The following LOXL3 variants were observed in gnomAD, a reference collection of about 807,000 sequenced individuals.
LOXL3 encodes the protein lysyl oxidase homolog 3.
LOXL3 carries 60 observed loss-of-function variants against 91.8 expected under a neutral mutation model. The ratio of observed to expected loss-of-function variants is 0.65; its 90% CI spans 0.53 to 0.81. The LOEUF (loss-of-function observed/expected upper bound fraction) is 0.81, where lower values mean the gene tolerates loss of function less well. LOXL3 is among the 30% of genes least tolerant of loss of function. The pLI is 0.00. For missense variants in LOXL3, 874 were observed against 1,000.4 expected (o/e 0.87, Z 1.70); for synonymous variants, 355 against 387.6 (o/e 0.92, Z 0.99).
chr2:74,548,499 T>C (rs1676747735), intron 4 of LOXL3, among the ~76,000 whole-genome samples: 1 of 152,090 alleles, frequency 6.6e-6, no homozygotes, highest in Non-Finnish European at 1.5e-5. Flanking sequence ...CCATCTGAAG[T>C]AGTGTGCCCG....
At position 74,549,196 on chromosome 2, in the gene LOXL3, T is replaced by C; in HGVS notation, c.692+173A>G. 1.5e-6 allele frequency: 1 copy of C among 684,842 alleles called. No homozygotes were observed. The highest frequency in any genetic ancestry group is 2.4e-5 in the South Asian group (1 of 40,864). 42.4% of individuals were successfully genotyped at this position (684,842 alleles called of 1,614,324 possible). On this transcript the variant is annotated intron_variant, in intron 4 of 13. Transcript: ENST00000264094. The surrounding 1 kb of genome is among the most constrained non-coding windows in gnomAD (Gnocchi z 5.3). Reference sequence around the variant, plus strand: ...AGGTACTCCCTTGGGGCACCTTTCGTGGTCCCACAAGATTTCCCAACTCTC... The same window carrying C: ...AGGTACTCCCTTGGGGCACCTTTCGCGGTCCCACAAGATTTCCCAACTCTC...
At chr2:74,554,641 C>T (rs979260195), upstream of LOXL3, 61 of 1,010,188 alleles carry the variant, frequency 6.0e-5, no homozygotes, top group Non-Finnish European at 7.6e-5. The surrounding 1 kb of genome is among the most constrained non-coding windows in gnomAD (Gnocchi z 4.9). Context: ...ACCCCCCCAG[C>T]GGCTGCCGGC....
chr2:74,535,924 T>C lies in LOXL3; in HGVS notation c.1248+72A>G. The C allele has an allele frequency of 6.6e-7, 1 of 1,507,010 alleles. No individual in the cohort carries two copies. The highest frequency in any genetic ancestry group is 8.8e-7 in the Non-Finnish European group (1 of 1,132,714). The allele number at this position is 1,507,010 out of a possible 1,614,324, so 93.4% of individuals were successfully genotyped here. On this transcript the variant is annotated intron_variant, in intron 7 of 13. Transcript: ENST00000264094. The surrounding 1 kb of genome is among the most constrained non-coding windows in gnomAD (Gnocchi z 4.2). ...CCTGGGGCAATGGGCTGGGGGCCAT[T>C]GGACTGTAGATTGGAGACCAGACCT...
At chr2:74,555,339 T>A (rs770658265), upstream of LOXL3, 2 of 1,613,762 alleles carry the variant, frequency 1.2e-6, no homozygotes, top group African/African-American at 1.3e-5. This position sits in a 1 kb window ranked among gnomAD's most constrained non-coding sequence, Gnocchi z 6.1. Context: ...AGACCCCCCC[T>A]GAGCCCGGCG....
chr2:74,534,550 C>T lies in LOXL3; in HGVS notation c.1804G>A (p.Val602Met), dbSNP rs779161522. The change falls in exon 10 of 14, where the codon GTG (valine) becomes ATG (methionine). Residue 602 changes from valine (V) to methionine (M), a missense_variant. Transcript: ENST00000264094. Reference sequence around the variant, plus strand: ...TCTCACCCATGGCACTCGTGCCACACCCAGGAGTGGCGCCCAGCCTTGGGC... The same window carrying T: ...TCTCACCCATGGCACTCGTGCCACATCCAGGAGTGGCGCCCAGCCTTGGGC... The part of the protein sequence containing the change: ...FRPKAGRHSW[V>M]WHECHGHYHS... 1.9e-6 allele frequency: 3 copies of T among 1,614,214 alleles called. No homozygotes were observed. The highest frequency in any genetic ancestry group is 4.5e-5 in the East Asian group (2 of 44,882).
chr2:74,534,166 G>A lies in LOXL3; in HGVS notation c.2010C>T (p.Tyr670=), dbSNP rs1675839705. 6.2e-7 allele frequency: 1 copy of A among 1,614,072 alleles called. No individual in the cohort carries two copies. The highest frequency in any genetic ancestry group is 1.3e-5 in the African/African-American group (1 of 74,920). ...QGITVGCWDL[Y]RHDIDCQWID... is the part of the protein sequence containing the mutation. ...TCCACTGACAGTCAATGTCATGCCG[G>A]TAGAGATCCCAGCAACCCACAGTGA... Residue 670 remains tyrosine (Y), a synonymous_variant, in exon 12 of 14, where the codon TAC becomes TAT. Coordinates refer to ENST00000264094, the MANE Select transcript of LOXL3 (RefSeq NM_032603.5).
rs1332589127 is a variant in LOXL3, at chr2:74,534,215, C to T, written c.1961G>A (p.Cys654Tyr). 2 of 1,614,204 alleles carry T rather than the reference C, an allele frequency of 1.2e-6. No individual in the cohort carries two copies. Among genetic ancestry groups the T allele is most frequent in the Non-Finnish European group, 1.7e-6 (2 of 1,180,036 alleles). The change falls in exon 12 of 14, where the codon TGT becomes TAT. Residue 654 changes from cysteine to tyrosine, a missense_variant. Physicochemically the swap from Cys to Tyr is radical, Grantham distance 194. Transcript: ENST00000264094. ...CQEDVSKRYECANFGEQGITV... is the reference protein window; with the variant it reads ...CQEDVSKRYEYANFGEQGITV... Reference sequence around the variant, plus strand: ...GATGCCTTGCTCTCCAAAGTTGGCACACTCATACCGCTTGGAGACATCTGG... The same window carrying T: ...GATGCCTTGCTCTCCAAAGTTGGCATACTCATACCGCTTGGAGACATCTGG...
intron 4 of LOXL3, among the ~76,000 whole-genome samples, chr2:74,540,516 G>T (rs1334734859): frequency 1.3e-5 from 2 of 152,098 alleles, no homozygotes; most frequent in Non-Finnish European, 2.9e-5. Context: ...ATATCCAAGG[G>T]CGTTAACTTG....
chr2:74,555,307 A>G, upstream of LOXL3: 1 of 1,614,034 alleles, frequency 6.2e-7, no homozygotes, highest in Non-Finnish European at 8.5e-7. This position sits in a 1 kb window ranked among gnomAD's most constrained non-coding sequence, Gnocchi z 6.1. Flanking sequence ...TGAGTGTGTG[A>G]GTGTGGCCCC....
Position 74,535,169 on chromosome 2 carries a change from A to ACCC in LOXL3, c.1579+120_1579+122dup. On this transcript the variant is annotated intron_variant, in intron 9 of 13. Transcript: ENST00000264094. The surrounding 1 kb of genome is among the most constrained non-coding windows in gnomAD (Gnocchi z 4.2). ...TGGGATTACAGGCGTGAGCCACTGC[A>ACCC]CCCGGCGAAACTGGCTCTTTTATGG... 1 of 1,118,520 alleles carries ACCC rather than the reference A, an allele frequency of 8.9e-7. No homozygotes were observed. The highest frequency in any genetic ancestry group is 2.6e-5 in the Admixed American group (1 of 37,838). 69.3% of individuals were successfully genotyped at this position (1,118,520 alleles called of 1,614,324 possible).
intron 9 of LOXL3, 97 bp from the exon 10 acceptor site, chr2:74,534,871 T>G: frequency 7.3e-7 from 1 of 1,365,590 alleles, no homozygotes; most frequent in Non-Finnish European, 1.0e-6. Context: ...AGTTTTTTGT[T>G]TTTGTTTTTG....
At chr2:74,544,046 G>A (rs546910320) in intron 4 of LOXL3, among the ~76,000 whole-genome samples, 72 of 152,106 alleles carry the variant, frequency 4.7e-4, no homozygotes, top group African/African-American at 1.7e-3. Context: ...GCTCAAGCCT[G>A]TAAGCCCAGC....
At position 74,536,435 on chromosome 2, in the gene LOXL3, C is replaced by T. The variant is rs753852653; in HGVS notation, c.949G>A (p.Glu317Lys). 3.1e-6 allele frequency: 5 copies of T among 1,613,972 alleles called. No homozygotes were observed. Among genetic ancestry groups the T allele is most frequent in the Non-Finnish European group, 4.2e-6 (5 of 1,180,044 alleles). ...GCCTTCAGGACTTCTACCCGGCCCT[C>T]TCCAGGGTGGGCGCCGCCCTTTAGA... is the stretch of plus-strand genomic sequence containing the variant. Reference protein sequence around the residue: ...VRLKGGAHPGEGRVEVLKAST... With the variant: ...VRLKGGAHPGKGRVEVLKAST... Residue 317 changes from glutamate to lysine, a missense_variant, in exon 6 of 14, where the codon GAG becomes AAG. Physicochemically the swap from Glu to Lys is moderately conservative, Grantham distance 56. Transcript: ENST00000264094. This position sits in a 1 kb window ranked among gnomAD's most constrained non-coding sequence, Gnocchi z 4.5.
At chr2:74,554,662 G>A, upstream of LOXL3, 3 of 1,312,010 alleles carry the variant, frequency 2.3e-6, no homozygotes, top group Non-Finnish European at 3.2e-6. This position sits in a 1 kb window ranked among gnomAD's most constrained non-coding sequence, Gnocchi z 4.9. Context: ...GGGGGCCGGG[G>A]AGGGGCGGAA....
rs1390515264 is a variant in LOXL3 at position 74,536,002 on chromosome 2, C to A, written c.1242G>T (p.Glu414Asp). Residue 414 changes from glutamate (E) to aspartate (D), a missense_variant, in exon 7 of 14, where the codon GAG (glutamate) becomes GAT (aspartate). By Grantham distance (45) the Glu-to-Asp change is conservative. Coordinates refer to ENST00000264094, the MANE Select transcript of LOXL3 (RefSeq NM_032603.5). This position sits in a 1 kb window ranked among gnomAD's most constrained non-coding sequence, Gnocchi z 4.5. ...GGTAGAGAGGATGACTGACCCTGGTCTCTGCCCCAGTGTAAGGTAGGTTGC... is the reference window on the plus strand; with the variant it reads ...GGTAGAGAGGATGACTGACCCTGGTATCTGCCCCAGTGTAAGGTAGGTTGC... The part of the protein sequence containing the change: ...VRCNLPYTGA[E>D]TRIRLSGGRS... 1 of 1,572,302 alleles carries A rather than the reference C, an allele frequency of 6.4e-7. No individual in the cohort carries two copies. The highest frequency in any genetic ancestry group is 2.2e-5 in the East Asian group (1 of 44,728).
intron 4 of LOXL3, among the ~76,000 whole-genome samples, chr2:74,543,900 CAAAA>C (rs960168777): frequency 3.1e-5 from 2 of 65,166 alleles, no homozygotes; most frequent in African/African-American, 5.4e-5. Flanking sequence ...GGCTCTGTCT[CAAAA>C]AAAAAAAAAA....
intron 4 of LOXL3, among the ~76,000 whole-genome samples, chr2:74,548,522 C>T (rs1437398862): frequency 6.6e-6 from 1 of 152,074 alleles, no homozygotes; most frequent in African/African-American, 2.4e-5. Flanking sequence ...GAAACCTATC[C>T]GGACATCAAG....
chr2:74,549,251 G>A lies in LOXL3; in HGVS notation c.692+118C>T, dbSNP rs1337369875. ...TTTGCAACGGCCTCCATATTTTCCC[G>A]CGCGTCCCGACCCCCGGGTCCTCCC... On this transcript the variant is annotated intron_variant, in intron 4 of 13. Transcript: ENST00000264094. The surrounding 1 kb of genome is among the most constrained non-coding windows in gnomAD (Gnocchi z 5.3). 3 of 1,189,056 alleles carry A rather than the reference G, an allele frequency of 2.5e-6. No individual in the cohort carries two copies. Among genetic ancestry groups the A allele is most frequent in the African/African-American group, 3.1e-5 (2 of 64,358 alleles). The allele number at this position is 1,189,056 out of a possible 1,614,324, so 73.7% of individuals were successfully genotyped here.
intron 9 of LOXL3, 131 bp from the exon 10 acceptor site, chr2:74,534,905 G>T: frequency 9.4e-7 from 1 of 1,069,178 alleles, no homozygotes; most frequent in Non-Finnish European, 1.3e-6. Flanking sequence ...TTGAGATGGA[G>T]TCTCACTCTG....
Sources: allele counts gnomAD v4.1 joint callset (sites outside exome capture counted in the v4.1 genomes callset), GRCh38; gene constraint gnomAD v4.1.1; non-coding constraint Gnocchi (gnomAD v3.1); transcripts MANE v1.5; gene names NCBI Gene and HGNC (gene_info 2026-07-23, HGNC 2026-07-21).